PHKB: variants seen among roughly 807,000 people sequenced by gnomAD.
PHKB encodes the protein phosphorylase b kinase regulatory subunit beta.
PHKB carries 122 observed loss-of-function variants against 152.1 expected under a neutral mutation model. The ratio of observed to expected loss-of-function variants is 0.80; its 90% CI spans 0.69 to 0.93. The LOEUF (loss-of-function observed/expected upper bound fraction) is 0.93, where lower values mean the gene tolerates loss of function less well. Ranked by LOEUF, PHKB falls within the 40% of genes least tolerant of loss-of-function variation. The probability of loss-of-function intolerance (pLI) is 0.00; values close to 1 mark genes in which losing one functional copy is unlikely to be tolerated. For missense variants in PHKB, 1,304 were observed against 1,328.4 expected (o/e 0.98, Z 0.29); for synonymous variants, 436 against 464.9 (o/e 0.94, Z 0.80).
intron 1 of PHKB, among the ~76,000 whole-genome samples, chr16:47,470,338 A>G (rs953843207): frequency 7.9e-5 from 12 of 152,238 alleles, no homozygotes; most frequent in African/African-American, 2.9e-4. Flanking sequence ...AGTTAACTGC[A>G]GCAGGAGCAT....
intron 26 of PHKB, among the ~76,000 whole-genome samples, chr16:47,681,961 G>A (rs1482881077): frequency 6.6e-6 from 1 of 152,094 alleles, no homozygotes; most frequent in Non-Finnish European, 1.5e-5. Context: ...TTTAGGGCAG[G>A]CCTGGTGGTG....
rs756138566 is a variant in PHKB at position 47,699,384 on chromosome 16, G to A, written c.*18G>A. On this transcript the variant is annotated 3_prime_UTR_variant, in exon 31 of 31. Transcript: ENST00000323584. ...TTAGCTAGTGGGGAAGGTGTAGGAA[G>A]CTCTGTTGAGACACATGTTCTGAAG... 1 of 1,613,874 alleles carries A rather than the reference G, an allele frequency of 6.2e-7. No homozygotes were observed. Among genetic ancestry groups the A allele is most frequent in the East Asian group, 2.2e-5 (1 of 44,878 alleles).
chr16:47,566,823 C>T (rs1250061180), intron 7 of PHKB: 2 of 722,736 alleles, frequency 2.8e-6, no homozygotes, highest in Non-Finnish European at 5.1e-6. Flanking sequence ...ACCAGTCCCT[C>T]CATCCTCAGC....
At chr16:47,658,117 C>T (rs1235710767) in intron 20 of PHKB, among the ~76,000 whole-genome samples, 1 of 152,154 alleles carries the variant, frequency 6.6e-6, no homozygotes, top group Non-Finnish European at 1.5e-5. Context: ...ATGATCTGGA[C>T]CTGCATCTCT....
chr16:47,587,752 T>A lies in PHKB; in HGVS notation c.859T>A (p.Ser287Thr). The change falls in exon 9 of 31, where the codon TCA becomes ACA. Residue 287 changes from serine (S) to threonine (T), a missense_variant. Transcript: ENST00000323584. ...QTLCSLLPRE[S>T]RSHNTDAALL... ...TTTGTGCTCGCTGTTACCCAGAGAA[T>A]CAAGATCACATGTGAGACATTTAAT... The A allele has an allele frequency of 6.2e-7, 1 of 1,607,936 alleles. No individual in the cohort carries two copies. Among genetic ancestry groups the A allele is most frequent in the Non-Finnish European group, 8.5e-7 (1 of 1,174,418 alleles).
intron 7 of PHKB, among the ~76,000 whole-genome samples, chr16:47,557,820 G>T (rs1249850857): frequency 6.6e-6 from 1 of 152,128 alleles, no homozygotes; most frequent in Non-Finnish European, 1.5e-5. Context: ...GTGGAAGTCA[G>T]TGTGGCGATT....
chr16:47,595,377 A>G (rs542840068), intron 12 of PHKB, among the ~76,000 whole-genome samples: 1 of 152,284 alleles, frequency 6.6e-6, no homozygotes, highest in South Asian at 2.1e-4. Flanking sequence ...AATTAAGTTT[A>G]CTGTGGGCTA....
rs558972472 is a variant in PHKB at position 47,623,644 on chromosome 16, C to T, written c.1458+12724C>T. On this transcript the variant is annotated intron_variant, in intron 14 of 30. Coordinates refer to ENST00000323584, the MANE Select transcript of PHKB (RefSeq NM_000293.3). ...CAATGGCTCACTGGAATCTCTGCCTCCCGGGTTCATGTGATTCTCCTGCCT... is the reference window on the plus strand; with the variant it reads ...CAATGGCTCACTGGAATCTCTGCCTTCCGGGTTCATGTGATTCTCCTGCCT... Among the ~76,000 whole-genome samples, 8 of 149,752 alleles carry T rather than the reference C, an allele frequency of 5.3e-5. No homozygotes were observed. The East Asian group carries it at 1.6e-3, about 29-fold the overall frequency.
intron 26 of PHKB, among the ~76,000 whole-genome samples, chr16:47,672,903 C>A (rs1311456430): frequency 1.3e-5 from 2 of 152,026 alleles, no homozygotes; most frequent in Non-Finnish European, 2.9e-5. Flanking sequence ...TGTCAGGTGG[C>A]AACATGTGAC....
chr16:47,552,244 G>C (rs1971284849), intron 7 of PHKB, among the ~76,000 whole-genome samples: 1 of 152,108 alleles, frequency 6.6e-6, no homozygotes, highest in Non-Finnish European at 1.5e-5. Context: ...TTCAGAATTG[G>C]ATCCTGTCAT....
chr16:47,669,348 T>C lies in PHKB; in HGVS notation c.2561T>C (p.Val854Ala), dbSNP rs200492495. 2 of 1,614,194 alleles carry C rather than the reference T, an allele frequency of 1.2e-6. No individual in the cohort carries two copies. Among genetic ancestry groups the C allele is most frequent in the East Asian group, 2.2e-5 (1 of 44,880 alleles). The change falls in exon 26 of 31, where the codon GTC becomes GCC. Residue 854 changes from valine to alanine, a missense_variant. Val to Ala is a moderately conservative substitution (Grantham distance 64). Transcript: ENST00000323584. Reference protein sequence around the residue: ...EREAVIQQELVIHIGWIISNN... With the variant: ...EREAVIQQELAIHIGWIISNN... ...GAAGCGGTCATTCAGCAAGAACTGG[T>C]CATCCATATTGGCTGGATCATCTCC...
rs1372720683 is a variant in PHKB at position 47,669,344 on chromosome 16, C to G, written c.2557C>G (p.Leu853Val). 1 of 1,614,062 alleles carries G rather than the reference C, an allele frequency of 6.2e-7. No individual in the cohort carries two copies. The highest frequency in any genetic ancestry group is 8.5e-7 in the Non-Finnish European group (1 of 1,179,998). The change falls in exon 26 of 31, where the codon CTG (leucine) becomes GTG (valine). Residue 853 changes from leucine to valine, a missense_variant. Leu to Val is a conservative substitution (Grantham distance 32). Transcript: ENST00000323584. Reference protein sequence around the residue: ...DEREAVIQQELVIHIGWIISN... With the variant: ...DEREAVIQQEVVIHIGWIISN... ...GAGGGAAGCGGTCATTCAGCAAGAA[C>G]TGGTCATCCATATTGGCTGGATCAT...
intron 26 of PHKB, among the ~76,000 whole-genome samples, chr16:47,670,181 C>A (rs909705246): frequency 6.6e-6 from 1 of 152,128 alleles, no homozygotes; most frequent in African/African-American, 2.4e-5. Context: ...GTACAAGTAT[C>A]GTGAGTATGT....
Position 47,699,527 on chromosome 16 carries a change from C to A in PHKB, c.*161C>A. On this transcript the variant is annotated 3_prime_UTR_variant, in exon 31 of 31. Transcript: ENST00000323584. ...TTATGGACCTCTTGCATGTCATAGC[C>A]AATCTAACGGTAATGGTAAATGCTT... The A allele has an allele frequency of 5.1e-6, 4 of 789,218 alleles. No homozygotes were observed. Among genetic ancestry groups the A allele is most frequent in the South Asian group, 2.8e-5 (2 of 71,704 alleles). 48.9% of individuals were successfully genotyped at this position (789,218 alleles called of 1,614,324 possible).
chr16:47,618,079 G>A (rs1972551344), intron 14 of PHKB, among the ~76,000 whole-genome samples: 1 of 152,214 alleles, frequency 6.6e-6, no homozygotes, highest in South Asian at 2.1e-4. Flanking sequence ...GTGCCCCTCT[G>A]GGGCCCTTCT....
chr16:47,565,004 G>T (rs1448137418), intron 7 of PHKB: 13 of 266,486 alleles, frequency 4.9e-5, no homozygotes, highest in Admixed American at 1.4e-4. Context: ...ATTTTGTCTT[G>T]TCTGGATAGA....
rs11349802 is a variant in PHKB at position 47,592,704 on chromosome 16, AG to A, written c.1069-793del. ...CTCCCTATTAGGCTGTGAGCCTCTG[AG>A]GGAAGTTCTCTGTCTTTTGTCTTAG... On this transcript the variant is annotated intron_variant, in intron 10 of 30. Coordinates refer to ENST00000323584, the MANE Select transcript of PHKB (RefSeq NM_000293.3). Among the ~76,000 whole-genome samples the A allele has an allele frequency of 7.2e-3, 1,100 of 152,280 alleles. 14 individuals are homozygous for A. The highest frequency in any genetic ancestry group is 0.025 in the African/African-American group (1,022 of 41,534).
intron 9 of PHKB, among the ~76,000 whole-genome samples, 192 bp downstream of exon 9, chr16:47,587,955 C>T (rs1028636900): frequency 9.2e-5 from 14 of 152,142 alleles, no homozygotes; most frequent in African/African-American, 2.4e-4. Context: ...GTTGTGGACA[C>T]GGCTGCTTTG....
At chr16:47,531,464 C>A (rs980152073) in intron 6 of PHKB, among the ~76,000 whole-genome samples, 1 of 151,892 alleles carries the variant, frequency 6.6e-6, no homozygotes, top group Admixed American at 6.6e-5. Flanking sequence ...TTGATAGTTA[C>A]TATATTAGAA....
Sources: gnomAD v4.1 joint callset for allele counts (sites outside exome capture counted in the v4.1 genomes callset) on GRCh38, gnomAD v4.1.1 for gene constraint, MANE v1.5 for transcripts, NCBI Gene and HGNC (gene_info 2026-07-23, HGNC 2026-07-21) for gene names.